Variants in SFT2D1 observed in about 807,000 individuals in gnomAD.
The protein encoded by SFT2D1 is SFT2 domain containing 1.
SFT2D1 carries 24 observed loss-of-function variants against 28.1 expected under a neutral mutation model. That is an observed-to-expected ratio of 0.85 (90% confidence interval 0.62 to 1.20). The LOEUF (loss-of-function observed/expected upper bound fraction) is 1.20, where lower values mean the gene tolerates loss of function less well. SFT2D1 is among the 50% of genes most tolerant of loss of function. The probability of loss-of-function intolerance (pLI) is 0.00; values close to 1 mark genes in which losing one functional copy is unlikely to be tolerated. For synonymous variants in SFT2D1, 82 were observed against 73.7 expected (o/e 1.11, Z -0.58); for missense variants, 181 against 190.9 (o/e 0.95, Z 0.31).
chr6:166,332,471 G>T (rs1191427967), intron 1 of SFT2D1, among the ~76,000 whole-genome samples: 1 of 152,110 alleles, frequency 6.6e-6, no homozygotes, highest in African/African-American at 2.4e-5. Context: ...GGCCAGGCTG[G>T]TCTCAAACTC....
intron 5 of SFT2D1, among the ~76,000 whole-genome samples, chr6:166,324,987 C>G (rs1217779647): frequency 6.6e-6 from 1 of 152,086 alleles, no homozygotes; most frequent in African/African-American, 2.4e-5. Context: ...TACTCATTCC[C>G]ATTTGCTCCT....
intron 4 of SFT2D1, among the ~76,000 whole-genome samples, 193 bp from the exon 5 acceptor site, chr6:166,326,360 G>C (rs1165340974): frequency 6.6e-6 from 1 of 152,056 alleles, no homozygotes; most frequent in Non-Finnish European, 1.5e-5. Context: ...AATATTCCTT[G>C]GCAAATTGGA....
chr6:166,324,660 A>G, intron 5 of SFT2D1, 65 bp from the exon 6 acceptor site: 1 of 1,447,416 alleles, frequency 6.9e-7, no homozygotes, highest in Admixed American at 2.1e-5. Context: ...TCTCAATCAA[A>G]CTTAATTCTT....
At position 166,328,367 on chromosome 6, in the gene SFT2D1, A is replaced by G; in HGVS notation, c.234-10T>C. 6.6e-7 allele frequency: 1 copy of G among 1,521,518 alleles called. No homozygotes were observed. The highest frequency in any genetic ancestry group is 8.9e-7 in the Non-Finnish European group (1 of 1,123,812). The allele number at this position is 1,521,518 out of a possible 1,614,324, so 94.3% of individuals were successfully genotyped here. ...CATTAAAAAGCATGTACTATTTGAA[A>G]CAAATAAAGTGACTGAGGTACAGGT... On this transcript the variant is annotated splice_polypyrimidine_tract_variant and intron_variant, in intron 3 of 7. Transcript: ENST00000361731.
chr6:166,328,127 G>T (rs1437627520), intron 4 of SFT2D1, 149 bp downstream of exon 4: 1 of 363,708 alleles, frequency 2.7e-6, no homozygotes, highest in African/African-American at 2.2e-5. Flanking sequence ...AACACAAGAA[G>T]TATACATACA....
intron 1 of SFT2D1, among the ~76,000 whole-genome samples, chr6:166,337,026 T>C (rs1358476095): frequency 1.3e-5 from 2 of 152,362 alleles, no homozygotes; most frequent in East Asian, 1.9e-4. Flanking sequence ...ATTTTGGGGC[T>C]GGCCACAGGC....
chr6:166,326,322 A>T (rs982820024), intron 4 of SFT2D1, among the ~76,000 whole-genome samples, 155 bp from the exon 5 acceptor site: 8 of 152,260 alleles, frequency 5.3e-5, no homozygotes, highest in Admixed American at 5.2e-4. Flanking sequence ...TTCTGTAAGT[A>T]TTATTTTACT....
chr6:166,329,590 C>A lies in SFT2D1; in HGVS notation c.151-1G>T. The A allele has an allele frequency of 4.4e-6, 7 of 1,602,148 alleles. No homozygotes were observed. The highest frequency in any genetic ancestry group is 5.1e-6 in the Non-Finnish European group (6 of 1,172,846). On this transcript the variant is annotated splice_acceptor_variant, in intron 2 of 7. Transcript: ENST00000361731. LOFTEE classifies it high-confidence loss of function. ...CCGGAAGCCACAGCAATCCAGTTCC[C>A]TAAGTTAAGATATTATAGTTATTTT...
chr6:166,338,710 C>T (rs183198831), intron 1 of SFT2D1, among the ~76,000 whole-genome samples: 2 of 152,090 alleles, frequency 1.3e-5, no homozygotes, highest in African/African-American at 4.8e-5. Context: ...CAGTGCAGGG[C>T]TGAGAGGCCA....
intron 4 of SFT2D1, 144 bp from the exon 5 acceptor site, chr6:166,326,311 T>G: frequency 1.4e-6 from 1 of 703,780 alleles, no homozygotes; most frequent in Non-Finnish European, 2.3e-6. Context: ...TTACTTGTAT[T>G]TTCTGTAAGT....
At chr6:166,335,683 G>A (rs1778635545) in intron 1 of SFT2D1, among the ~76,000 whole-genome samples, 1 of 150,612 alleles carries the variant, frequency 6.6e-6, no homozygotes. Context: ...GCATAAATGG[G>A]TTCACAAAAC....
intron 1 of SFT2D1, among the ~76,000 whole-genome samples, chr6:166,339,025 C>T (rs1778719825): frequency 2.0e-5 from 3 of 152,074 alleles, no homozygotes; most frequent in South Asian, 2.1e-4. Context: ...CCAATGTGCC[C>T]GCCATCCTGG....
chr6:166,325,961 G>A, intron 5 of SFT2D1, 171 bp downstream of exon 5: 2 of 666,984 alleles, frequency 3.0e-6, no homozygotes, highest in Non-Finnish European at 5.3e-6. Context: ...TAGAATCTAT[G>A]GCATTTTTAG....
chr6:166,333,417 A>G (rs961881981), intron 1 of SFT2D1, among the ~76,000 whole-genome samples: 1 of 152,050 alleles, frequency 6.6e-6, no homozygotes, highest in Non-Finnish European at 1.5e-5. Context: ...CCTGCTCGAA[A>G]TTACACCATC....
At position 166,320,202 on chromosome 6, in the gene SFT2D1, A is replaced by G; in HGVS notation, c.*15T>C. 4 of 1,610,352 alleles carry G rather than the reference A, an allele frequency of 2.5e-6. No homozygotes were observed. In the South Asian group the frequency reaches 4.4e-5, roughly 18 times the overall value. The stretch of plus-strand genomic sequence containing the variant: ...TACCAACATTCAAGTGCTCTTTTCC[A>G]CAAGTTTCTGATTTTCAACTTAGGA... On this transcript the variant is annotated 3_prime_UTR_variant, in exon 8 of 8. Transcript: ENST00000361731.
intron 1 of SFT2D1, among the ~76,000 whole-genome samples, chr6:166,337,922 G>A (rs1778689914): frequency 1.3e-5 from 2 of 152,070 alleles, no homozygotes; most frequent in Non-Finnish European, 2.9e-5. Context: ...TCATGAATGG[G>A]ATCCACGCCC....
At chr6:166,321,914 G>T (rs1028016682) in intron 7 of SFT2D1, among the ~76,000 whole-genome samples, 2 of 152,126 alleles carry the variant, frequency 1.3e-5, no homozygotes, top group African/African-American at 2.4e-5. Context: ...GATGGAGTCT[G>T]GCTCTGTCAC....
chr6:166,335,672 G>T (rs746703104), intron 1 of SFT2D1, among the ~76,000 whole-genome samples: 17 of 151,198 alleles, frequency 1.1e-4, no homozygotes, highest in Non-Finnish European at 1.9e-4. Context: ...TGGAATACCA[G>T]GCATAAATGG....
chr6:166,328,233 A>G, intron 4 of SFT2D1, 43 bp downstream of exon 4: 1 of 1,271,556 alleles, frequency 7.9e-7, no homozygotes, highest in Non-Finnish European at 1.1e-6. Context: ...AACAGTGCAA[A>G]GAATACTTCA....
Sources: allele counts gnomAD v4.1 joint callset (sites outside exome capture counted in the v4.1 genomes callset), GRCh38; gene constraint gnomAD v4.1.1; transcripts MANE v1.5; gene names NCBI Gene and HGNC (gene_info 2026-07-23, HGNC 2026-07-21).